The following GRID2 variants were observed in gnomAD, a reference collection of about 807,000 sequenced individuals.
The protein encoded by GRID2 is glutamate ionotropic receptor delta type subunit 2.
GRID2 carries 33 observed loss-of-function variants against 114.8 expected under a neutral mutation model. That is an observed-to-expected ratio of 0.29 (90% CI 0.22 to 0.38). GRID2 has a LOEUF of 0.38. GRID2 is among the 10% of genes least tolerant of loss of function. The pLI is 1.00. For missense variants in GRID2, 1,184 were observed against 1,257.7 expected (o/e 0.94, Z 0.89); for synonymous variants, 505 against 449.9 (o/e 1.12, Z -1.55).
chr4:92,942,371 A>G (rs1475666960), intron 2 of GRID2, among the ~76,000 whole-genome samples: 2 of 152,094 alleles, frequency 1.3e-5, no homozygotes, highest in Non-Finnish European at 2.9e-5. Context: ...AGTCTGTTTT[A>G]TCAGAGACTA....
chr4:93,163,399 T>TATATATATGTATATATATATATAC, intron 4 of GRID2, among the ~76,000 whole-genome samples: 1 of 49,134 alleles, frequency 2.0e-5, no homozygotes, highest in African/African-American at 7.9e-5. Flanking sequence ...TATATATATA[T>TATATATATGTATATATATATATAC]ACACTATATA....
rs567200565 is a variant in GRID2, at chr4:92,502,500, A to T, written c.89-87631A>T. ...ATATAACATAAATACATGCAACTAC[A>T]TGATACATTAGAAAGAAATGTTCTG... On this transcript the variant is annotated intron_variant, in intron 1 of 15. Coordinates refer to ENST00000282020, the MANE Select transcript of GRID2 (RefSeq NM_001510.4). Among the ~76,000 whole-genome samples, 3 of 152,198 alleles carry T rather than the reference A, an allele frequency of 2.0e-5. No homozygotes were observed. The East Asian group carries it at 5.8e-4, about 29-fold the overall frequency.
chr4:93,152,347 C>T (rs72665297), intron 4 of GRID2, among the ~76,000 whole-genome samples: 2,843 of 152,050 alleles, frequency 0.019, 34 homozygotes, highest in Middle Eastern at 0.044. Context: ...AGGGAGAAAC[C>T]TACTTTAAAA....
rs568764760 is a variant in GRID2, at chr4:92,938,031, C to A, written c.245-146964C>A. Among the ~76,000 whole-genome samples the A allele has an allele frequency of 1.4e-5, 2 of 146,820 alleles. 1 individual carries two copies. The highest frequency in any genetic ancestry group is 1.5e-4 in the Admixed American group (2 of 13,532). ...GAGGAAGCTTCTTTTAATTTTCAGA[C>A]TTCCCATTGTTTTTAAGATGAAATA... On this transcript the variant is annotated intron_variant, in intron 2 of 15. Coordinates refer to ENST00000282020, the MANE Select transcript of GRID2 (RefSeq NM_001510.4).
chr4:92,985,775 T>G (rs781420968), intron 2 of GRID2, among the ~76,000 whole-genome samples: 1 of 152,162 alleles, frequency 6.6e-6, no homozygotes, highest in Non-Finnish European at 1.5e-5. Flanking sequence ...CGCTTATGAT[T>G]GAGTCAGATG....
intron 1 of GRID2, among the ~76,000 whole-genome samples, chr4:92,513,031 ATACTT>A (rs1724332581): frequency 6.6e-6 from 1 of 151,908 alleles, no homozygotes; most frequent in African/African-American, 2.4e-5. Context: ...CTCCTAGAGA[ATACTT>A]TAGCAAATAG....
At position 92,619,747 on chromosome 4, in the gene GRID2, G is replaced by A. The variant is rs570932971; in HGVS notation, c.244+29461G>A. On this transcript the variant is annotated intron_variant, in intron 2 of 15. Transcript: ENST00000282020. Reference sequence around the variant, plus strand: ...ATTTTCAGTATTTGCTATTAAATAAGTGATTTCCAATTTGTTGTATGTCTT... The same window carrying A: ...ATTTTCAGTATTTGCTATTAAATAAATGATTTCCAATTTGTTGTATGTCTT... Among the ~76,000 whole-genome samples, 6 of 151,754 alleles carry A rather than the reference G, an allele frequency of 4.0e-5. No individual in the cohort carries two copies. In the East Asian group the frequency reaches 1.2e-3, roughly 30 times the overall value.
At chr4:92,734,294 A>C (rs1736481428) in intron 2 of GRID2, among the ~76,000 whole-genome samples, 1 of 151,290 alleles carries the variant, frequency 6.6e-6, no homozygotes, top group Non-Finnish European at 1.5e-5. Context: ...GCTTTACTTT[A>C]CTTTTTTTTT....
chr4:93,166,367 C>G (rs1738247952), intron 4 of GRID2, among the ~76,000 whole-genome samples: 1 of 152,126 alleles, frequency 6.6e-6, no homozygotes, highest in Non-Finnish European at 1.5e-5. Flanking sequence ...ATTTGGAGAA[C>G]ATCACCTGTG....
intron 10 of GRID2, among the ~76,000 whole-genome samples, chr4:93,455,362 C>T (rs113342443): frequency 2.0e-5 from 3 of 151,956 alleles, no homozygotes; most frequent in East Asian, 1.9e-4. Context: ...AAATGACCCA[C>T]GAAAAAAGAC....
At chr4:93,617,170 C>T (rs34565291) in intron 13 of GRID2, among the ~76,000 whole-genome samples, 3 of 151,948 alleles carry the variant, frequency 2.0e-5, no homozygotes, top group South Asian at 2.1e-4. Flanking sequence ...GAGGCCAACA[C>T]GTCTGTTAGC....
chr4:92,449,720 G>A (rs1241825352), intron 1 of GRID2, among the ~76,000 whole-genome samples: 1 of 88,048 alleles, frequency 1.1e-5, no homozygotes, highest in Non-Finnish European at 2.3e-5. Flanking sequence ...TAACACTTAA[G>A]CCAAATTCAT....
At chr4:92,628,294 G>A (rs1730621021) in intron 2 of GRID2, among the ~76,000 whole-genome samples, 1 of 151,928 alleles carries the variant, frequency 6.6e-6, no homozygotes, top group South Asian at 2.1e-4. Flanking sequence ...CATGGGAGAG[G>A]GAAAAAGATG....
At chr4:92,649,495 A>G (rs966482125) in intron 2 of GRID2, among the ~76,000 whole-genome samples, 1 of 151,282 alleles carries the variant, frequency 6.6e-6, no homozygotes, top group Non-Finnish European at 1.5e-5. Flanking sequence ...TCTTTACCCC[A>G]TCTACTGATT....
At chr4:92,950,281 G>C (rs536164734) in intron 2 of GRID2, among the ~76,000 whole-genome samples, 1 of 152,108 alleles carries the variant, frequency 6.6e-6, no homozygotes, top group Non-Finnish European at 1.5e-5. Flanking sequence ...TTTTCTCCCT[G>C]ACCTGAATCG....
chr4:92,624,210 T>C (rs959037296), intron 2 of GRID2, among the ~76,000 whole-genome samples: 5 of 151,878 alleles, frequency 3.3e-5, no homozygotes, highest in African/African-American at 1.2e-4. Flanking sequence ...ATCCAAAGTA[T>C]ACACAAGAAA....
At chr4:93,775,091 T>C (rs907991066), downstream of GRID2, among the ~76,000 whole-genome samples, 3 of 150,970 alleles carry the variant, frequency 2.0e-5, no homozygotes, top group Admixed American at 6.6e-5. Context: ...TTCCAGCGTT[T>C]AACACACCTA....
chr4:93,660,441 C>G (rs1723388633), intron 14 of GRID2, among the ~76,000 whole-genome samples: 1 of 151,982 alleles, frequency 6.6e-6, no homozygotes, highest in South Asian at 2.1e-4. Context: ...CGATTTAATT[C>G]AAATATACAT....
At chr4:93,574,027 T>C (rs1247387753) in intron 13 of GRID2, among the ~76,000 whole-genome samples, 1 of 152,172 alleles carries the variant, frequency 6.6e-6, no homozygotes, top group Non-Finnish European at 1.5e-5. Flanking sequence ...CTATAATCAT[T>C]GATAGAGGGT....
Sources: gnomAD v4.1 joint callset for allele counts (sites outside exome capture counted in the v4.1 genomes callset) on GRCh38, gnomAD v4.1.1 for gene constraint, MANE v1.5 for transcripts, NCBI Gene and HGNC (gene_info 2026-07-23, HGNC 2026-07-21) for gene names.